PDE4B: variants seen among roughly 807,000 people sequenced by gnomAD.
The protein encoded by PDE4B is 3',5'-cyclic-AMP phosphodiesterase 4B.
In PDE4B, 20 loss-of-function variants were observed where a neutral mutation model predicts 82.2. The ratio of observed to expected loss-of-function variants is 0.24; its 90% CI spans 0.17 to 0.35. The LOEUF is 0.35. Ranked by LOEUF, PDE4B falls within the 10% of genes least tolerant of loss-of-function variation. The pLI, the probability that PDE4B is intolerant of heterozygous loss-of-function variation, is 1.00. For synonymous variants in PDE4B, 320 were observed against 318.9 expected (o/e 1.00, Z -0.04); for missense variants, 655 against 907.2 (o/e 0.72, Z 3.57).
chr1:66,274,136 C>T (rs1413444852), intron 7 of PDE4B, among the ~76,000 whole-genome samples: 1 of 151,740 alleles, frequency 6.6e-6, no homozygotes, highest in East Asian at 1.9e-4. Flanking sequence ...TTCTCTGAGA[C>T]TCACTTTTCT....
At chr1:66,141,322 T>C (rs1166675057) in intron 3 of PDE4B, among the ~76,000 whole-genome samples, 1 of 91,772 alleles carries the variant, frequency 1.1e-5, no homozygotes, top group Non-Finnish European at 2.0e-5. Flanking sequence ...ATAGAAAGCT[T>C]TGAGAATATA....
intron 8 of PDE4B, among the ~76,000 whole-genome samples, chr1:66,336,025 G>A (rs1283455309): frequency 1.3e-5 from 2 of 152,164 alleles, no homozygotes; most frequent in Non-Finnish European, 2.9e-5. Context: ...AAAGAGGAAC[G>A]GAAAGAGAAA....
chr1:65,970,952 A>G (rs1361313458), intron 3 of PDE4B, among the ~76,000 whole-genome samples: 1 of 151,640 alleles, frequency 6.6e-6, no homozygotes, highest in Non-Finnish European at 1.5e-5. Flanking sequence ...GTTTGCCTCA[A>G]ATAAGAAAGG....
intron 3 of PDE4B, among the ~76,000 whole-genome samples, chr1:65,943,927 T>G (rs1036428944): frequency 6.6e-6 from 1 of 151,944 alleles, no homozygotes; most frequent in Non-Finnish European, 1.5e-5. Flanking sequence ...ATCATGTCAT[T>G]TTTACATAGG....
At chr1:66,289,511 T>G (rs1480373283) in intron 7 of PDE4B, among the ~76,000 whole-genome samples, 1 of 151,906 alleles carries the variant, frequency 6.6e-6, no homozygotes, top group African/African-American at 2.4e-5. Flanking sequence ...TTCAAAGGTC[T>G]TGAGAAAGGT....
intron 1 of PDE4B, among the ~76,000 whole-genome samples, chr1:65,882,793 A>G (rs1236297339): frequency 6.6e-6 from 1 of 152,104 alleles, no homozygotes; most frequent in Non-Finnish European, 1.5e-5. Flanking sequence ...TGTGAACACA[A>G]ACATGTTTTA....
chr1:65,794,325 G>A (rs977769779), intron 1 of PDE4B, among the ~76,000 whole-genome samples: 1 of 152,108 alleles, frequency 6.6e-6, no homozygotes, highest in African/African-American at 2.4e-5. Context: ...CATAAAAAAA[G>A]TAATAAATGT....
At chr1:65,938,387 G>A (rs1350875722) in intron 3 of PDE4B, among the ~76,000 whole-genome samples, 1 of 152,152 alleles carries the variant, frequency 6.6e-6, no homozygotes, top group African/African-American at 2.4e-5. Context: ...TAATTCCTAT[G>A]TTTTATTCAT....
Position 66,332,659 on chromosome 1 carries a change from G to C in PDE4B, c.747+39G>C, listed in dbSNP as rs372726395. 6 of 1,580,926 alleles carry C rather than the reference G, an allele frequency of 3.8e-6. No individual in the cohort carries two copies. In the South Asian group the frequency reaches 5.6e-5, roughly 15 times the overall value. On this transcript the variant is annotated intron_variant, in intron 8 of 16. Coordinates refer to ENST00000341517, the MANE Select transcript of PDE4B (RefSeq NM_002600.4). ...TTTTTATTCATTAAAGTGTGATCAT[G>C]CAGGGAGCTCCAGCTCCCCTCACCC... is the stretch of plus-strand genomic sequence containing the variant.
At chr1:66,228,395 C>T (rs140458137) in intron 3 of PDE4B, among the ~76,000 whole-genome samples, 228 of 152,204 alleles carry the variant, frequency 1.5e-3, no homozygotes, top group African/African-American at 5.1e-3. Context: ...GAGGCCAAGG[C>T]GGGCGGATCA....
In PDE4B at chr1:65,892,793, C is replaced by T. The variant is rs1482683780; in HGVS notation, c.-70-20452C>T. Among the ~76,000 whole-genome samples the T allele has an allele frequency of 3.3e-5, 5 of 152,150 alleles. No homozygotes were observed. The South Asian group carries it at 1.0e-3, about 32-fold the overall frequency. ...ATAACCTTTTATTCATCTTCTGTTGCATTTCTTCTTTGGGCATTACTCCCT... is the reference window on the plus strand; with the variant it reads ...ATAACCTTTTATTCATCTTCTGTTGTATTTCTTCTTTGGGCATTACTCCCT... On this transcript the variant is annotated intron_variant, in intron 1 of 16. Coordinates refer to ENST00000341517, the MANE Select transcript of PDE4B (RefSeq NM_002600.4).
intron 3 of PDE4B, among the ~76,000 whole-genome samples, chr1:65,923,961 T>C (rs895898348): frequency 2.6e-5 from 4 of 152,026 alleles, no homozygotes; most frequent in Admixed American, 1.3e-4. Context: ...TGATTAAATG[T>C]ATTTTATAAA....
chr1:65,843,656 G>A (rs529913814), intron 1 of PDE4B, among the ~76,000 whole-genome samples: 2 of 152,182 alleles, frequency 1.3e-5, no homozygotes, highest in South Asian at 2.1e-4. Context: ...TAAGTCAGTA[G>A]GTGTTGAAAG....
At chr1:66,256,670 G>T (rs1032594809) in intron 4 of PDE4B, among the ~76,000 whole-genome samples, 1 of 152,172 alleles carries the variant, frequency 6.6e-6, no homozygotes, top group Non-Finnish European at 1.5e-5. Flanking sequence ...CCCAGGCCTC[G>T]TGTGGTGCCT....
chr1:66,369,851 A>T (rs574001067), intron 16 of PDE4B, among the ~76,000 whole-genome samples: 11 of 152,280 alleles, frequency 7.2e-5, no homozygotes, highest in East Asian at 3.9e-4. Context: ...AAATGAGTTT[A>T]AAAAATCTGT....
At chr1:66,358,674 CA>C (rs11433160) in intron 9 of PDE4B, among the ~76,000 whole-genome samples, 3,562 of 112,590 alleles carry the variant, frequency 0.032, 78 homozygotes, top group South Asian at 0.12. Flanking sequence ...AACTCTGTCT[CA>C]AAAAAAAAAA....
intron 8 of PDE4B, among the ~76,000 whole-genome samples, chr1:66,338,079 T>C (rs1320676971): frequency 6.6e-6 from 1 of 152,262 alleles, no homozygotes; most frequent in Non-Finnish European, 1.5e-5. Context: ...TACAGGTGTA[T>C]GCAAACATTG....
chr1:65,819,654 C>T (rs1035045572), intron 1 of PDE4B, among the ~76,000 whole-genome samples: 4 of 152,074 alleles, frequency 2.6e-5, no homozygotes, highest in Admixed American at 6.5e-5. Context: ...CGCCCGCCAC[C>T]GCGGCGGGCT....
At chr1:65,936,576 C>T (rs1015535180) in intron 3 of PDE4B, among the ~76,000 whole-genome samples, 5 of 151,950 alleles carry the variant, frequency 3.3e-5, no homozygotes, top group Admixed American at 6.6e-5. Context: ...TATTAGAGTG[C>T]GTCAGAATCA....
Sources: allele counts gnomAD v4.1 joint callset (sites outside exome capture counted in the v4.1 genomes callset), GRCh38; gene constraint gnomAD v4.1.1; transcripts MANE v1.5; gene names NCBI Gene and HGNC (gene_info 2026-07-23, HGNC 2026-07-21).